The following PRKAB2 variants were observed in gnomAD, a reference collection of about 807,000 sequenced individuals.
PRKAB2 encodes the protein protein kinase AMP-activated non-catalytic subunit beta 2.
Under a neutral mutation model 29.8 loss-of-function variants are expected in PRKAB2, and 18 were observed. The observed-to-expected ratio is 0.60, with a 90% CI of 0.42 to 0.89. The LOEUF (loss-of-function observed/expected upper bound fraction) is 0.89, where lower values mean the gene tolerates loss of function less well. PRKAB2 is among the 40% of genes least tolerant of loss of function. PRKAB2 has a pLI of 0.00. For missense variants in PRKAB2, 270 were observed against 344.3 expected (o/e 0.78, Z 1.71); for synonymous variants, 136 against 125.9 (o/e 1.08, Z -0.54).
At chr1:147,165,057 G>A (rs72706493) in intron 5 of PRKAB2, among the ~76,000 whole-genome samples, 14 of 152,064 alleles carry the variant, frequency 9.2e-5, no homozygotes, top group South Asian at 2.1e-4. Flanking sequence ...TAATAGTCTC[G>A]CTCTGTCGCC....
chr1:147,167,863 G>C lies in PRKAB2; in HGVS notation c.227C>G (p.Ala76Gly). The C allele has an allele frequency of 6.2e-6, 10 of 1,614,140 alleles. No individual in the cohort carries two copies. Among genetic ancestry groups the C allele is most frequent in the Non-Finnish European group, 8.5e-6 (10 of 1,180,010 alleles). The change falls in exon 3 of 8, where the codon GCC becomes GGC. Residue 76 changes from alanine to glycine, a missense_variant. Physicochemically the swap from Ala to Gly is moderately conservative, Grantham distance 60. This residue lies in a region of PRKAB2 where 228 missense variants were observed against 255.5 expected (regional missense o/e 0.89). Coordinates refer to ENST00000254101, the MANE Select transcript of PRKAB2 (RefSeq NM_005399.5). ...AGACCAGCGGATAACAGTGGGCCGG[G>C]CCTGCTGTGTGGGCTTTACGGAGTC... is the stretch of plus-strand genomic sequence containing the variant. ...LEDSVKPTQQ[A>G]RPTVIRWSEG...
At chr1:147,170,149 A>C (rs1377061110) in intron 2 of PRKAB2, among the ~76,000 whole-genome samples, 1 of 152,198 alleles carries the variant, frequency 6.6e-6, no homozygotes, top group Non-Finnish European at 1.5e-5. Flanking sequence ...GTTTAAGTAA[A>C]ATGTTGAGTT....
chr1:147,171,927 AG>A, intron 2 of PRKAB2, 61 bp downstream of exon 2: 1 of 1,554,138 alleles, frequency 6.4e-7, no homozygotes. Flanking sequence ...AAGAAAGGGA[AG>A]AGGAGCCCAG....
Position 147,167,707 on chromosome 1 carries a change from T to C in PRKAB2, c.323+60A>G. The C allele has an allele frequency of 2.6e-6, 4 of 1,553,384 alleles. No individual in the cohort carries two copies. The South Asian group carries it at 3.7e-5, about 15-fold the overall frequency. On this transcript the variant is annotated intron_variant, in intron 3 of 7. Transcript: ENST00000254101. ...GAAAAGTCCAGCTGGGTCTCTCTTCTGAGAAAAGAAATCAGGTCTCTATTC... is the reference window on the plus strand; with the variant it reads ...GAAAAGTCCAGCTGGGTCTCTCTTCCGAGAAAAGAAATCAGGTCTCTATTC...
At chr1:147,162,641 C>T (rs1238009504) in intron 5 of PRKAB2, 68 bp from the exon 6 acceptor site, 15 of 1,426,578 alleles carry the variant, frequency 1.1e-5, no homozygotes, top group South Asian at 1.3e-5. Flanking sequence ...AAAAAGCTAT[C>T]AATACATGGC....
At chr1:147,166,089 A>G (rs1654234707) in intron 5 of PRKAB2, among the ~76,000 whole-genome samples, 1 of 152,134 alleles carries the variant, frequency 6.6e-6, no homozygotes, top group African/African-American at 2.4e-5. Flanking sequence ...TGAGGTCTCA[A>G]ACTGGCAGGA....
At chr1:147,167,464 TCAGA>T (rs1169240706) in intron 3 of PRKAB2, among the ~76,000 whole-genome samples, 2 of 152,154 alleles carry the variant, frequency 1.3e-5, no homozygotes, top group African/African-American at 4.8e-5. Flanking sequence ...GCAACAAGAC[TCAGA>T]CAGTTACAAA....
rs1653812555 is a variant in PRKAB2 at position 147,159,022 on chromosome 1, G to C, written c.*543C>G. 6.5e-6 allele frequency: 1 copy of C among 152,708 alleles called. No individual in the cohort carries two copies. The highest frequency in any genetic ancestry group is 1.5e-5 in the Non-Finnish European group (1 of 68,460). The allele number at this position is 152,708 out of a possible 1,614,324, so 9.5% of individuals were successfully genotyped here. On this transcript the variant is annotated 3_prime_UTR_variant, in exon 8 of 8. Transcript: ENST00000254101. ...TGAAATGAGAGGAATAAGGGTTCTTGTGGGGCATCTGGTATCATATAAACA... is the reference window on the plus strand; with the variant it reads ...TGAAATGAGAGGAATAAGGGTTCTTCTGGGGCATCTGGTATCATATAAACA...
chr1:147,166,508 T>C lies in PRKAB2; in HGVS notation c.528A>G (p.Thr176=). The C allele has an allele frequency of 6.2e-7, 1 of 1,613,388 alleles. No individual in the cohort carries two copies. The highest frequency in any genetic ancestry group is 8.5e-7 in the Non-Finnish European group (1 of 1,179,660). ...ATAATACAAAATTACCTCTACAAGA[T>C]GTCTCAGAACTTTCCATAGAATCTA... ...LKLDSMESSE[T]SCRDLSSSPP... is the part of the protein sequence containing the mutation. Residue 176 remains threonine (T), a synonymous_variant, in exon 5 of 8, where the codon ACA becomes ACG. Transcript: ENST00000254101.
chr1:147,155,409 C>T lies in PRKAB2; in HGVS notation c.*4156G>A, dbSNP rs183690552. On this transcript the variant is annotated 3_prime_UTR_variant, in exon 8 of 8. Coordinates refer to ENST00000254101, the MANE Select transcript of PRKAB2 (RefSeq NM_005399.5). ...GAGCTGCACTCATTCGAAATGCTGC[C>T]GTGTAATACCAACCAACATGCTCCA... 2.6e-5 allele frequency: 4 copies of T among 152,626 alleles called. No individual in the cohort carries two copies. The highest frequency in any genetic ancestry group is 1.3e-4 in the Admixed American group (2 of 15,262). The allele number at this position is 152,626 out of a possible 1,614,324, so 9.5% of individuals were successfully genotyped here.
At chr1:147,171,315 G>A (rs1488428656) in intron 2 of PRKAB2, among the ~76,000 whole-genome samples, 14 of 152,210 alleles carry the variant, frequency 9.2e-5, no homozygotes, top group African/African-American at 3.1e-4. Context: ...TGGAATCATT[G>A]GCTCTTCCAC....
intron 6 of PRKAB2, among the ~76,000 whole-genome samples, 194 bp downstream of exon 6, chr1:147,162,246 A>G (rs1170695822): frequency 6.6e-6 from 1 of 152,194 alleles, no homozygotes; most frequent in Non-Finnish European, 1.5e-5. Flanking sequence ...GGAGACAACT[A>G]TGAATTTTTA....
intron 5 of PRKAB2, 126 bp from the exon 6 acceptor site, chr1:147,162,699 T>A: frequency 2.0e-6 from 2 of 1,000,638 alleles, no homozygotes; most frequent in Non-Finnish European, 2.8e-6. Flanking sequence ...ACTTGTGACC[T>A]GTGGGATCTA....
chr1:147,162,356 A>G, intron 6 of PRKAB2, 84 bp downstream of exon 6: 4 of 1,373,446 alleles, frequency 2.9e-6, no homozygotes, highest in South Asian at 1.4e-5. Context: ...CCTCTGTAGT[A>G]ATCCTAACCT....
intron 2 of PRKAB2, among the ~76,000 whole-genome samples, chr1:147,168,207 C>G (rs587657899): frequency 6.6e-6 from 1 of 151,690 alleles, no homozygotes; most frequent in Non-Finnish European, 1.5e-5. Flanking sequence ...TTAGACTCTC[C>G]CTTAAAAAAA....
intron 5 of PRKAB2, among the ~76,000 whole-genome samples, chr1:147,163,127 A>C (rs1654054376): frequency 6.6e-6 from 1 of 152,236 alleles, no homozygotes; most frequent in African/African-American, 2.4e-5. Flanking sequence ...GCAAATCAAA[A>C]CCACAATAAG....
intron 6 of PRKAB2, among the ~76,000 whole-genome samples, chr1:147,162,042 GCCCACAACACACAA>G (rs1653992793): frequency 6.6e-6 from 1 of 152,008 alleles, no homozygotes; most frequent in Non-Finnish European, 1.5e-5. Flanking sequence ...CAAAAATCTT[GCCCACAACACACAA>G]GGAAGAGTTG....
chr1:147,167,698 T>A, intron 3 of PRKAB2, 69 bp downstream of exon 3: 1 of 1,526,474 alleles, frequency 6.6e-7, no homozygotes. Context: ...TCCAGCTGGG[T>A]CTCTCTTCTG....
In PRKAB2 at chr1:147,156,862, C is replaced by G. The variant is rs184947895; in HGVS notation, c.*2703G>C. The G allele has an allele frequency of 1.3e-5, 2 of 152,122 alleles. No individual in the cohort carries two copies. Among genetic ancestry groups the G allele is most frequent in the African/African-American group, 2.4e-5 (1 of 41,426 alleles). 9.4% of individuals were successfully genotyped at this position (152,122 alleles called of 1,614,324 possible). A position where few individuals can be genotyped will look rare whatever the true frequency, so the allele number is the denominator to read the frequency against. On this transcript the variant is annotated 3_prime_UTR_variant, in exon 8 of 8. Coordinates refer to ENST00000254101, the MANE Select transcript of PRKAB2 (RefSeq NM_005399.5). ...ATCCAAGGACACCACCATGTGGTGT[C>G]TGATTTAATTTCTTTTTAAAAGAGA...
Sources: gnomAD v4.1 joint callset for allele counts (sites outside exome capture counted in the v4.1 genomes callset) on GRCh38, gnomAD v4.1.1 for gene constraint, gnomAD v4.1.1 regional missense constraint, MANE v1.5 for transcripts, NCBI Gene and HGNC (gene_info 2026-07-23, HGNC 2026-07-21) for gene names.